Variants in CAMK2D observed in about 807,000 individuals in gnomAD.
The protein encoded by CAMK2D is calcium/calmodulin dependent protein kinase II delta.
Under a neutral mutation model 84.0 loss-of-function variants are expected in CAMK2D, and 37 were observed. The ratio of observed to expected loss-of-function variants is 0.44; its 90% CI spans 0.34 to 0.58. The LOEUF is 0.58. Ranked by LOEUF, CAMK2D falls within the 20% of genes least tolerant of loss-of-function variation. CAMK2D has a pLI of 0.02. For missense variants in CAMK2D, 448 were observed against 652.5 expected, an observed-to-expected ratio of 0.69 and a Z score of 3.41; for synonymous variants, 202 against 212.5, an observed-to-expected ratio of 0.95 and a Z score of 0.43.
chr4:113,688,983 G>A (rs868774441), intron 2 of CAMK2D, among the ~76,000 whole-genome samples: 73 of 149,714 alleles, frequency 4.9e-4, no homozygotes, highest in African/African-American at 1.7e-3. Context: ...AGTGGCTCAT[G>A]CCTGTAACCC....
At chr4:113,625,825 T>C (rs1412544458) in intron 3 of CAMK2D, among the ~76,000 whole-genome samples, 1 of 151,868 alleles carries the variant, frequency 6.6e-6, no homozygotes, top group Admixed American at 6.6e-5. Context: ...GACTGACGTG[T>C]TGAAAATACA....
intron 8 of CAMK2D, among the ~76,000 whole-genome samples, chr4:113,527,755 A>AT (rs1437460964): frequency 6.6e-6 from 1 of 152,070 alleles, no homozygotes; most frequent in Non-Finnish European, 1.5e-5. Context: ...AAAATTCTTA[A>AT]TTTTTTTGGA....
chr4:113,475,931 T>A (rs2097607031), intron 16 of CAMK2D, among the ~76,000 whole-genome samples: 1 of 152,190 alleles, frequency 6.6e-6, no homozygotes, highest in African/African-American at 2.4e-5. Context: ...GAAAGGCCAA[T>A]TTACAAAACA....
intron 16 of CAMK2D, among the ~76,000 whole-genome samples, chr4:113,476,537 C>T (rs2097624148): frequency 6.6e-6 from 1 of 152,096 alleles, no homozygotes; most frequent in Non-Finnish European, 1.5e-5. Flanking sequence ...TGATTACAGG[C>T]CTTTCCCAAA....
intron 3 of CAMK2D, among the ~76,000 whole-genome samples, chr4:113,647,744 G>C (rs1324668350): frequency 2.0e-5 from 3 of 152,118 alleles, no homozygotes; most frequent in Admixed American, 2.0e-4. Context: ...TTCTGTGGGG[G>C]AAAAATGGTT....
intron 8 of CAMK2D, among the ~76,000 whole-genome samples, chr4:113,518,712 G>A (rs1359021343): frequency 6.6e-6 from 1 of 152,138 alleles, no homozygotes; most frequent in Non-Finnish European, 1.5e-5. Context: ...TGTACCCTGA[G>A]ACTTATTTTT....
At chr4:113,745,751 A>G (rs2099602812) in intron 2 of CAMK2D, among the ~76,000 whole-genome samples, 2 of 152,368 alleles carry the variant, frequency 1.3e-5, no homozygotes, top group African/African-American at 4.8e-5. Flanking sequence ...TAAAGATAGA[A>G]CATTTTTATA....
intron 2 of CAMK2D, among the ~76,000 whole-genome samples, chr4:113,709,207 C>CT (rs1561965633): frequency 1.9e-4 from 29 of 151,432 alleles, no homozygotes; most frequent in African/African-American, 6.3e-4. Context: ...AAAATCATCT[C>CT]TTGAGTATCC....
chr4:113,550,691 T>C (rs2098620606), intron 5 of CAMK2D, among the ~76,000 whole-genome samples: 1 of 152,230 alleles, frequency 6.6e-6, no homozygotes, highest in South Asian at 2.1e-4. Context: ...TTAAAAGTAT[T>C]ACTGTTTCTT....
intron 2 of CAMK2D, among the ~76,000 whole-genome samples, chr4:113,757,935 TGAAA>T (rs1267641403): frequency 1.3e-5 from 2 of 152,164 alleles, no homozygotes; most frequent in African/African-American, 4.8e-5. Flanking sequence ...TGATTTGTTT[TGAAA>T]GAAACACCAC....
intron 3 of CAMK2D, among the ~76,000 whole-genome samples, chr4:113,624,601 G>A (rs577839109): frequency 7.0e-4 from 106 of 152,300 alleles, no homozygotes; most frequent in Admixed American, 2.9e-3. Context: ...AGTAAACACA[G>A]TAGTACCCTA....
chr4:113,697,579 T>A lies in CAMK2D; in HGVS notation c.161-35807A>T, dbSNP rs1051561828. Among the ~76,000 whole-genome samples the A allele has an allele frequency of 7.9e-5, 12 of 152,152 alleles. 1 individual carries two copies. Among genetic ancestry groups the A allele is most frequent in the Admixed American group, 6.6e-4 (10 of 15,256 alleles). ...TTTCTTCTTTCTGTACTTGGATAAC[T>A]ATTGCAACAGAGGAAATCATTTGCT... On this transcript the variant is annotated intron_variant, in intron 2 of 20. Coordinates refer to ENST00000511664, the MANE Select transcript of CAMK2D (RefSeq NM_001321571.2).
intron 4 of CAMK2D, among the ~76,000 whole-genome samples, chr4:113,582,029 G>A (rs2098812887): frequency 6.6e-6 from 1 of 152,054 alleles, no homozygotes; most frequent in Non-Finnish European, 1.5e-5. Flanking sequence ...GGCTTCTTTT[G>A]CATAACTCAT....
chr4:113,737,640 T>C lies in CAMK2D; in HGVS notation c.160+21680A>G, dbSNP rs77295467. ...TAAAAACAGTTAAAATGGTGGATTT[T>C]ATGTTACAAATATTTTTCCATAATA... On this transcript the variant is annotated intron_variant, in intron 2 of 20. Coordinates refer to ENST00000511664, the MANE Select transcript of CAMK2D (RefSeq NM_001321571.2). Among the ~76,000 whole-genome samples, 2,252 of 152,324 alleles carry C rather than the reference T, an allele frequency of 0.015. 91 individuals carry two copies. In the East Asian group the frequency reaches 0.15, roughly 10 times the overall value.
intron 3 of CAMK2D, among the ~76,000 whole-genome samples, chr4:113,623,555 G>A (rs2099055594): frequency 6.6e-6 from 1 of 152,144 alleles, no homozygotes; most frequent in African/African-American, 2.4e-5. Flanking sequence ...CTATATGGTA[G>A]TGTATTTCTC....
intron 4 of CAMK2D, among the ~76,000 whole-genome samples, chr4:113,584,437 C>G (rs7664975): frequency 0.64 from 97,663 of 152,050 alleles, 32,404 homozygotes; most frequent in Middle Eastern, 0.76. Flanking sequence ...AAACACAGGA[C>G]AGCCAGGCCT....
chr4:113,682,016 C>T (rs1253588620), intron 2 of CAMK2D, among the ~76,000 whole-genome samples: 9 of 152,138 alleles, frequency 5.9e-5, no homozygotes, highest in Non-Finnish European at 5.9e-5. Context: ...GATACAGGAG[C>T]AGTGGACCTG....
At chr4:113,466,075 A>C (rs1203555882) in intron 16 of CAMK2D, among the ~76,000 whole-genome samples, 1 of 151,716 alleles carries the variant, frequency 6.6e-6, no homozygotes, top group African/African-American at 2.4e-5. Context: ...CACACGGAGA[A>C]ACTTCATCTC....
In CAMK2D at chr4:113,461,895, C is replaced by T. The variant is rs111894078; in HGVS notation, c.1212-1654G>A. Among the ~76,000 whole-genome samples, 928 of 152,180 alleles carry T rather than the reference C, an allele frequency of 6.1e-3. 7 individuals are homozygous for T. Among genetic ancestry groups the T allele is most frequent in the Middle Eastern group, 0.014 (4 of 292 alleles). ...CAGTACTGTTTATAGAACGTGGAAC[C>T]GGTGTTATTTAAAGAATACCTTTAA... On this transcript the variant is annotated intron_variant, in intron 17 of 20. Transcript: ENST00000511664.
Sources: gnomAD v4.1 joint callset for allele counts (sites outside exome capture counted in the v4.1 genomes callset) on GRCh38, gnomAD v4.1.1 for gene constraint, MANE v1.5 for transcripts, NCBI Gene and HGNC (gene_info 2026-07-23, HGNC 2026-07-21) for gene names.